TM9SF4: variants seen among roughly 807,000 people sequenced by gnomAD.
TM9SF4 encodes the protein dinucleotide oxidase disulfide thiol exchanger 3 superfamily member 4.
TM9SF4 carries 26 observed loss-of-function variants against 90.4 expected under a neutral mutation model. The observed-to-expected ratio is 0.29, with a 90% confidence interval of 0.21 to 0.40. TM9SF4 has a LOEUF of 0.40. TM9SF4 is among the 10% of genes least tolerant of loss of function. The probability of loss-of-function intolerance (pLI) is 1.00; values close to 1 mark genes in which losing one functional copy is unlikely to be tolerated. For synonymous variants in TM9SF4, 293 were observed against 315.4 expected (o/e 0.93, Z 0.75); for missense variants, 549 against 834.8 (o/e 0.66, Z 4.22).
At chr20:32,142,498 G>A (rs950859508) in intron 5 of TM9SF4, among the ~76,000 whole-genome samples, 3 of 152,224 alleles carry the variant, frequency 2.0e-5, no homozygotes, top group African/African-American at 7.2e-5. Flanking sequence ...GAAGAGAACC[G>A]ACAGTGGGAG....
chr20:32,135,610 T>C (rs1316985027), intron 2 of TM9SF4, among the ~76,000 whole-genome samples: 1 of 152,042 alleles, frequency 6.6e-6, no homozygotes, highest in Non-Finnish European at 1.5e-5. Context: ...GACCTGAATA[T>C]GAGGAGAAGC....
In TM9SF4 at chr20:32,165,630, A is replaced by G. The variant is rs2047089322; in HGVS notation, c.*186A>G. On this transcript the variant is annotated 3_prime_UTR_variant, in exon 18 of 18. Transcript: ENST00000398022. Reference sequence around the variant, plus strand: ...TGTAGATAATCTTGCGTTTTTCGTCATCTTATTCCAGTTCTGTGGGGGATG... The same window carrying G: ...TGTAGATAATCTTGCGTTTTTCGTCGTCTTATTCCAGTTCTGTGGGGGATG... 2 of 654,380 alleles carry G rather than the reference A, an allele frequency of 3.1e-6. No homozygotes were observed. The highest frequency in any genetic ancestry group is 5.1e-6 in the Non-Finnish European group (2 of 393,192). 40.5% of individuals were successfully genotyped at this position (654,380 alleles called of 1,614,324 possible). A position where few individuals can be genotyped will look rare whatever the true frequency, so the allele number is the denominator to read the frequency against.
intron 13 of TM9SF4, among the ~76,000 whole-genome samples, chr20:32,157,082 G>A (rs575568472): frequency 6.0e-4 from 91 of 151,620 alleles, no homozygotes; most frequent in Non-Finnish European, 1.1e-3. Flanking sequence ...CAAGTAACTG[G>A]GATTACAGGT....
In TM9SF4 at chr20:32,145,231, T is replaced by C. The variant is rs576865921; in HGVS notation, c.771+22T>C. On this transcript the variant is annotated intron_variant, in intron 7 of 17. Transcript: ENST00000398022. ...GGAGGTGAGAAGGGGCTGGAGCTCA[T>C]GGGCAGGGGAGGAGGGCTCTGGTCT... 23 of 1,613,852 alleles carry C rather than the reference T, an allele frequency of 1.4e-5. No homozygotes were observed. The South Asian group carries it at 2.2e-4, about 15-fold the overall frequency.
chr20:32,141,739 G>A (rs1185096162), intron 4 of TM9SF4, 27 bp from the exon 5 acceptor site: 4 of 1,613,830 alleles, frequency 2.5e-6, no homozygotes. Flanking sequence ...CGGTCGAGAG[G>A]GACTGAGTGG....
chr20:32,158,376 T>A, intron 14 of TM9SF4, 75 bp from the exon 15 acceptor site: 1 of 1,444,380 alleles, frequency 6.9e-7, no homozygotes, highest in Non-Finnish European at 9.7e-7. Flanking sequence ...TCTCTCTTCA[T>A]GCCAGCTTGG....
At chr20:32,126,915 A>C (rs909318971) in intron 1 of TM9SF4, among the ~76,000 whole-genome samples, 10 of 152,090 alleles carry the variant, frequency 6.6e-5, no homozygotes, top group African/African-American at 2.4e-4. Flanking sequence ...TTGTATTTTT[A>C]GTAGAGACGG....
At chr20:32,117,373 T>G (rs1265898987) in intron 1 of TM9SF4, among the ~76,000 whole-genome samples, 2 of 152,164 alleles carry the variant, frequency 1.3e-5, no homozygotes, top group East Asian at 3.8e-4. Flanking sequence ...GTATTGCTGC[T>G]AGTTGATGCT....
chr20:32,124,092 A>G (rs2046383740), intron 1 of TM9SF4, among the ~76,000 whole-genome samples: 2 of 151,978 alleles, frequency 1.3e-5, no homozygotes, highest in Admixed American at 6.6e-5. Flanking sequence ...TCAAACTCCC[A>G]TCTGTCCTCA....
chr20:32,140,710 C>G (rs1486207490), intron 3 of TM9SF4, among the ~76,000 whole-genome samples: 1 of 152,156 alleles, frequency 6.6e-6, no homozygotes, highest in Non-Finnish European at 1.5e-5. Flanking sequence ...ACCAAGACTG[C>G]TAAGGCAGGC....
chr20:32,129,703 G>T (rs780595868), intron 1 of TM9SF4, among the ~76,000 whole-genome samples: 21 of 149,194 alleles, frequency 1.4e-4, no homozygotes, highest in Non-Finnish European at 2.8e-4. Context: ...TCCTGCCTCT[G>T]CCTCCCAAGT....
At chr20:32,131,427 A>G (rs978101527) in intron 1 of TM9SF4, among the ~76,000 whole-genome samples, 2 of 152,068 alleles carry the variant, frequency 1.3e-5, no homozygotes, top group Non-Finnish European at 2.9e-5. Flanking sequence ...ATTTTTGGCA[A>G]GCCTCCTCAG....
At chr20:32,109,803 G>A (rs753064235) in intron 1 of TM9SF4, 48 bp downstream of exon 1, 7 of 1,551,266 alleles carry the variant, frequency 4.5e-6, no homozygotes, top group Non-Finnish European at 4.4e-6. Flanking sequence ...GGGCCCTCCG[G>A]GGTATCCCAG....
chr20:32,117,552 G>C (rs1227551203), intron 1 of TM9SF4, among the ~76,000 whole-genome samples: 2 of 152,208 alleles, frequency 1.3e-5, no homozygotes, highest in Non-Finnish European at 2.9e-5. Flanking sequence ...TGAATTTGGA[G>C]TGGCTGGGGG....
At chr20:32,158,079 A>G (rs2046956765) in intron 14 of TM9SF4, 110 bp downstream of exon 14, 3 of 1,422,450 alleles carry the variant, frequency 2.1e-6, no homozygotes, top group East Asian at 2.4e-5. Context: ...GCCGGCTCTA[A>G]TAGAGTTTAT....
chr20:32,125,608 T>C (rs1210689244), intron 1 of TM9SF4, among the ~76,000 whole-genome samples: 3 of 152,158 alleles, frequency 2.0e-5, no homozygotes, highest in Non-Finnish European at 4.4e-5. Flanking sequence ...GCATGTCATG[T>C]GCTCCGCTTC....
intron 3 of TM9SF4, among the ~76,000 whole-genome samples, chr20:32,136,493 A>G (rs199905948): frequency 7.9e-5 from 12 of 152,050 alleles, no homozygotes; most frequent in African/African-American, 2.4e-4. Flanking sequence ...TTCTATTTAC[A>G]CCGCCTCTTC....
chr20:32,160,278 AT>A (rs2046996317), intron 16 of TM9SF4, among the ~76,000 whole-genome samples, 167 bp downstream of exon 16: 2 of 152,098 alleles, frequency 1.3e-5, no homozygotes, highest in African/African-American at 4.8e-5. Context: ...GCCTCCATGT[AT>A]TCAGCTGTAC....
chr20:32,157,475 G>A (rs982306801), intron 13 of TM9SF4, among the ~76,000 whole-genome samples: 2 of 152,102 alleles, frequency 1.3e-5, no homozygotes, highest in African/African-American at 4.8e-5. Flanking sequence ...CACATAATGT[G>A]CCACATGTAA....
Sources: gnomAD v4.1 joint callset for allele counts (sites outside exome capture counted in the v4.1 genomes callset) on GRCh38, gnomAD v4.1.1 for gene constraint, MANE v1.5 for transcripts, NCBI Gene and HGNC (gene_info 2026-07-23, HGNC 2026-07-21) for gene names.